The following SH3PXD2B variants were observed in gnomAD, a reference collection of about 807,000 sequenced individuals.
SH3PXD2B encodes the protein SH3 and PX domain-containing protein 2B.
A neutral mutation model predicts 73.1 loss-of-function variants in SH3PXD2B; 37 were observed. The ratio of observed to expected loss-of-function variants is 0.51; its 90% confidence interval spans 0.39 to 0.67. The LOEUF (loss-of-function observed/expected upper bound fraction) is 0.67, where lower values mean the gene tolerates loss of function less well. SH3PXD2B is among the 30% of genes least tolerant of loss of function. The pLI is 0.00. For missense variants in SH3PXD2B, 1,053 were observed against 1,197.8 expected (o/e 0.88, Z 1.78); for synonymous variants, 457 against 480.5 (o/e 0.95, Z 0.64).
rs11134742 is a variant in SH3PXD2B, at chr5:172,337,661, C to T, written c.*708G>A. 510,469 of 986,308 alleles carry T rather than the reference C, an allele frequency of 0.52. 132,876 individuals are homozygous for T. The highest frequency in any genetic ancestry group is 0.72 in the South Asian group (15,419 of 21,324). 61.1% of individuals were successfully genotyped at this position (986,308 alleles called of 1,614,324 possible). A position where few individuals can be genotyped will look rare whatever the true frequency, so the allele number is the denominator to read the frequency against. On this transcript the variant is annotated 3_prime_UTR_variant, in exon 13 of 13. Coordinates refer to ENST00000311601, the MANE Select transcript of SH3PXD2B (RefSeq NM_001017995.3). ...GGGACCGGAGCCTGCAGCAGCAAAG[C>T]GCAGCATACGCGGGGCTGGAACCAC...
At chr5:172,408,025 C>A (rs1758601775) in intron 2 of SH3PXD2B, among the ~76,000 whole-genome samples, 1 of 152,060 alleles carries the variant, frequency 6.6e-6, no homozygotes, top group South Asian at 2.1e-4. Context: ...GAGCTCCCGG[C>A]CTCTTTGGTG....
chr5:172,406,181 T>C (rs1163196736), intron 3 of SH3PXD2B, 96 bp downstream of exon 3: 1 of 1,347,052 alleles, frequency 7.4e-7, no homozygotes, highest in Non-Finnish European at 1.1e-6. Context: ...TGGTGTCCCC[T>C]GATAAAGGAA....
chr5:172,431,239 C>G (rs1363784315), intron 1 of SH3PXD2B, among the ~76,000 whole-genome samples: 1 of 152,260 alleles, frequency 6.6e-6, no homozygotes, highest in African/African-American at 2.4e-5. Context: ...GTGATCCAAG[C>G]CCGGCCAATC....
chr5:172,395,127 T>A (rs1054531412), intron 3 of SH3PXD2B, among the ~76,000 whole-genome samples: 1 of 152,080 alleles, frequency 6.6e-6, no homozygotes, highest in African/African-American at 2.4e-5. Context: ...AGCCCTCCCC[T>A]CTGCCTGGAC....
At chr5:172,357,356 G>A (rs1757304502) in intron 8 of SH3PXD2B, among the ~76,000 whole-genome samples, 1 of 151,216 alleles carries the variant, frequency 6.6e-6, no homozygotes, top group African/African-American at 2.4e-5. Flanking sequence ...CCCAGGAGGC[G>A]GAGGTCGCAG....
chr5:172,382,088 C>T lies in SH3PXD2B; in HGVS notation c.349G>A (p.Glu117Lys). ...CTTGTCTCAAAGAACTGCAGCACCT[C>T]ATCACACTGAGAGATGTAGGGGGGC... ...QLPPYISQCD[E>K]VLQFFETRPE... The change falls in exon 5 of 13, where the codon GAG (glutamate) becomes AAG (lysine). Residue 117 changes from glutamate to lysine, a missense_variant. This residue lies in a region of SH3PXD2B where 466 missense variants were observed against 607.1 expected (regional missense o/e 0.77). Coordinates refer to ENST00000311601, the MANE Select transcript of SH3PXD2B (RefSeq NM_001017995.3). The T allele has an allele frequency of 6.2e-7, 1 of 1,611,844 alleles. No individual in the cohort carries two copies. Among genetic ancestry groups the T allele is most frequent in the Non-Finnish European group, 8.5e-7 (1 of 1,179,248 alleles).
At chr5:172,437,884 C>A (rs1759430822) in intron 1 of SH3PXD2B, among the ~76,000 whole-genome samples, 2 of 152,006 alleles carry the variant, frequency 1.3e-5, no homozygotes, top group South Asian at 4.2e-4. Flanking sequence ...GAAATGGCGG[C>A]AGGAGTAGGG....
chr5:172,350,450 C>G lies in SH3PXD2B; in HGVS notation c.925G>C (p.Ala309Pro). The change falls in exon 10 of 13, where the codon GCG becomes CCG. Residue 309 changes from alanine (A) to proline (P), a missense_variant. Physicochemically the swap from Ala to Pro is conservative, Grantham distance 27 (BLOSUM62 -1). This residue lies in a region of SH3PXD2B where 466 missense variants were observed against 607.1 expected (regional missense o/e 0.77). Transcript: ENST00000311601. ...AGCAGCTCCTTCTCCCTGCCCACCG[C>G]GTTCTGCTGCCGGGAAACACCATCC... ...DLDGVSRQQN[A>P]VGREKELLSS... 6.2e-7 allele frequency: 1 copy of G among 1,614,128 alleles called. No individual in the cohort carries two copies. The highest frequency in any genetic ancestry group is 8.5e-7 in the Non-Finnish European group (1 of 1,180,032).
At chr5:172,400,024 C>A (rs1032852134) in intron 3 of SH3PXD2B, among the ~76,000 whole-genome samples, 14 of 152,186 alleles carry the variant, frequency 9.2e-5, no homozygotes, top group Non-Finnish European at 2.1e-4. Flanking sequence ...TAAATACCCC[C>A]CTCTGTGCCT....
intron 9 of SH3PXD2B, among the ~76,000 whole-genome samples, chr5:172,351,124 T>C (rs997788455): frequency 2.0e-5 from 3 of 152,152 alleles, no homozygotes; most frequent in African/African-American, 4.8e-5. Context: ...CATCTCTTAA[T>C]CCTCTGCAGG....
At chr5:172,451,301 G>T (rs1435375789) in intron 1 of SH3PXD2B, among the ~76,000 whole-genome samples, 3 of 152,226 alleles carry the variant, frequency 2.0e-5, no homozygotes, top group South Asian at 2.1e-4. Context: ...TGGGAAATTA[G>T]GGGGCGTAGT....
At chr5:172,430,524 G>A (rs1759211669) in intron 1 of SH3PXD2B, among the ~76,000 whole-genome samples, 1 of 152,248 alleles carries the variant, frequency 6.6e-6, no homozygotes, top group Non-Finnish European at 1.5e-5. Flanking sequence ...GAATGGAAGG[G>A]AGCCATTATC....
intron 3 of SH3PXD2B, among the ~76,000 whole-genome samples, chr5:172,398,078 A>G (rs1758345445): frequency 6.6e-6 from 1 of 152,218 alleles, no homozygotes; most frequent in Admixed American, 6.5e-5. Flanking sequence ...CAACTTGGAA[A>G]TGTGGAACCT....
At chr5:172,425,454 G>A (rs534148445) in intron 1 of SH3PXD2B, among the ~76,000 whole-genome samples, 1 of 152,240 alleles carries the variant, frequency 6.6e-6, no homozygotes, top group Admixed American at 6.5e-5. Context: ...TATCTGAGGA[G>A]GCAACCTTTG....
chr5:172,370,772 G>C (rs564959362), intron 6 of SH3PXD2B, among the ~76,000 whole-genome samples: 1 of 152,298 alleles, frequency 6.6e-6, no homozygotes, highest in Non-Finnish European at 1.5e-5. Flanking sequence ...GATGAAAAAA[G>C]GTTCATTCAT....
At chr5:172,379,197 C>T (rs552171910) in intron 5 of SH3PXD2B, among the ~76,000 whole-genome samples, 22 of 151,192 alleles carry the variant, frequency 1.5e-4, no homozygotes, top group Non-Finnish European at 3.1e-4. Context: ...AAACGTGGAG[C>T]CCCCCGGATA....
intron 3 of SH3PXD2B, among the ~76,000 whole-genome samples, chr5:172,396,513 T>C (rs961141716): frequency 6.6e-6 from 1 of 152,126 alleles, no homozygotes; most frequent in African/African-American, 2.4e-5. Context: ...AAAGACCATG[T>C]AGCTAATCCA....
chr5:172,325,208 CAA>C, exon 13 of SH3PXD2B: 4 of 1,150,964 alleles, frequency 3.5e-6, no homozygotes, highest in South Asian at 3.0e-5. Flanking sequence ...TTTACCACGA[CAA>C]AAAAAAATAC....
In SH3PXD2B at chr5:172,339,021, G is replaced by T; in HGVS notation, c.2084C>A (p.Ala695Asp). 6.2e-7 allele frequency: 1 copy of T among 1,614,144 alleles called. No individual in the cohort carries two copies. The highest frequency in any genetic ancestry group is 2.2e-5 in the East Asian group (1 of 44,884). Reference protein sequence around the residue: ...GPQAVGGQDVAFSRSFLPGEG... With the variant: ...GPQAVGGQDVDFSRSFLPGEG... ...TCCTGGGAGGAAGCTTCGGCTGAAG[G>T]CCACGTCTTGGCCCCCTACTGCCTG... Residue 695 changes from alanine (A) to aspartate (D), a missense_variant, in exon 13 of 13, where the codon GCC (alanine) becomes GAC (aspartate). This residue lies in a region of SH3PXD2B where 587 missense variants were observed against 590.7 expected (regional missense o/e 0.99). Coordinates refer to ENST00000311601, the MANE Select transcript of SH3PXD2B (RefSeq NM_001017995.3). The surrounding 1 kb of genome is among the most constrained non-coding windows in gnomAD (Gnocchi z 6.1).
Sources: allele counts gnomAD v4.1 joint callset (sites outside exome capture counted in the v4.1 genomes callset), GRCh38; gene constraint gnomAD v4.1.1; regional missense constraint gnomAD v4.1.1; non-coding constraint Gnocchi (gnomAD v3.1); transcripts MANE v1.5; gene names NCBI Gene and HGNC (gene_info 2026-07-23, HGNC 2026-07-21).